Variants in ADK observed in about 807,000 individuals in gnomAD.
ADK encodes the protein N6,N6-dimethyladenosine kinase.
A neutral mutation model predicts 44.7 loss-of-function variants in ADK; 24 were observed. That is an observed-to-expected ratio of 0.54 (90% CI 0.39 to 0.76). The LOEUF (loss-of-function observed/expected upper bound fraction) is 0.76. Among genes scored for constraint, ADK ranks in the 30% least tolerant of loss-of-function variants. ADK has a pLI of 0.00. For missense variants in ADK, 321 were observed against 425.1 expected (o/e 0.76, Z 2.15); for synonymous variants, 128 against 142.6 (o/e 0.90, Z 0.73).
At chr10:74,646,033 A>G (rs967080489) in intron 9 of ADK, among the ~76,000 whole-genome samples, 4 of 152,220 alleles carry the variant, frequency 2.6e-5, no homozygotes, top group African/African-American at 7.2e-5. Flanking sequence ...AGCTTTCTTC[A>G]TCACTTAATT....
chr10:74,676,089 G>A (rs900738171), intron 10 of ADK, among the ~76,000 whole-genome samples: 4 of 150,636 alleles, frequency 2.7e-5, no homozygotes, highest in African/African-American at 7.3e-5. Context: ...TAAAAGCCAC[G>A]TATAGATTAG....
intron 4 of ADK, among the ~76,000 whole-genome samples, chr10:74,346,220 G>T (rs1841759003): frequency 6.6e-6 from 1 of 151,976 alleles, no homozygotes; most frequent in South Asian, 2.1e-4. Flanking sequence ...TGAATCCAAA[G>T]TTCATGTTTT....
At chr10:74,595,051 C>G (rs936203835) in intron 8 of ADK, among the ~76,000 whole-genome samples, 4 of 151,866 alleles carry the variant, frequency 2.6e-5, no homozygotes, top group Non-Finnish European at 5.9e-5. Context: ...GTGGCAGATG[C>G]CTATAATCCC....
intron 4 of ADK, among the ~76,000 whole-genome samples, chr10:74,375,256 A>G (rs1215879401): frequency 6.6e-6 from 1 of 152,184 alleles, no homozygotes; most frequent in Non-Finnish European, 1.5e-5. Flanking sequence ...ATGCATTACC[A>G]TCCCCATAAA....
In ADK at chr10:74,385,517, G is replaced by A. The variant is rs112448780; in HGVS notation, c.274-8624G>A. ...GGGAGAAGGAAAGAAGCCTACAAAA[G>A]AGATAGAGAAGACTTCTTTATCCAT... On this transcript the variant is annotated intron_variant, in intron 4 of 10. Coordinates refer to ENST00000539909, the MANE Select transcript of ADK (RefSeq NM_006721.4). Among the ~76,000 whole-genome samples, 794 of 152,292 alleles carry A rather than the reference G, an allele frequency of 5.2e-3. 12 individuals are homozygous for A. The highest frequency in any genetic ancestry group is 0.017 in the African/African-American group (720 of 41,566).
chr10:74,625,227 G>T (rs907285590), intron 9 of ADK, among the ~76,000 whole-genome samples: 2 of 152,116 alleles, frequency 1.3e-5, no homozygotes, highest in African/African-American at 4.8e-5. Flanking sequence ...GCTTTTCAAA[G>T]CAAGTGATGT....
intron 3 of ADK, among the ~76,000 whole-genome samples, chr10:74,305,685 C>A (rs1025117080): frequency 1.3e-5 from 2 of 152,096 alleles, no homozygotes; most frequent in Non-Finnish European, 2.9e-5. Context: ...TGTCATTAAT[C>A]AAATTTGGAA....
chr10:74,263,365 G>A (rs1205500775), intron 3 of ADK, among the ~76,000 whole-genome samples: 1 of 152,142 alleles, frequency 6.6e-6, no homozygotes, highest in Non-Finnish European at 1.5e-5. Context: ...GAGATGGAGA[G>A]AAATTAAAGA....
intron 1 of ADK, among the ~76,000 whole-genome samples, chr10:74,166,701 A>G (rs1202879244): frequency 1.9e-4 from 7 of 37,790 alleles, no homozygotes; most frequent in African/African-American, 4.8e-4. Flanking sequence ...AAAAAAAAAA[A>G]GAAAAAAAAA....
At chr10:74,331,184 T>C (rs1841205312) in intron 4 of ADK, among the ~76,000 whole-genome samples, 1 of 152,226 alleles carries the variant, frequency 6.6e-6, no homozygotes, top group African/African-American at 2.4e-5. Flanking sequence ...CTACTATGGC[T>C]GTGTTTTGCT....
chr10:74,192,541 T>C lies in ADK; in HGVS notation c.66-8223T>C, dbSNP rs915218016. 1.2e-3 allele frequency among the ~76,000 whole-genome samples: 177 copies of C among 150,696 alleles called. 1 individual carries two copies. The highest frequency in any genetic ancestry group is 3.4e-3 in the African/African-American group (140 of 40,846). The stretch of plus-strand genomic sequence containing the variant: ...GCACCTGGCCCATTTTTTTTTTTTT[T>C]CAAACAGATATGGTTTTGCTCTCTC... On this transcript the variant is annotated intron_variant, in intron 1 of 10. Coordinates refer to ENST00000539909, the MANE Select transcript of ADK (RefSeq NM_006721.4).
intron 1 of ADK, among the ~76,000 whole-genome samples, chr10:74,194,766 G>C (rs1176489379): frequency 1.3e-5 from 2 of 152,162 alleles, no homozygotes; most frequent in Non-Finnish European, 2.9e-5. Flanking sequence ...GATGGGGCTA[G>C]TTGACGTAGA....
At position 74,276,632 on chromosome 10, in the gene ADK, G is replaced by C. The variant is rs536497344; in HGVS notation, c.195-38035G>C. ...GGAGGATAGTGTATGTTCCTTTCTG[G>C]AGGCTCTAGGGGTGAATGTTTCCAA... On this transcript the variant is annotated intron_variant, in intron 3 of 10. Transcript: ENST00000539909. Among the ~76,000 whole-genome samples, 115 of 152,276 alleles carry C rather than the reference G, an allele frequency of 7.6e-4. 1 individual carries two copies. Among genetic ancestry groups the C allele is most frequent in the Non-Finnish European group, 1.4e-3 (92 of 68,010 alleles).
chr10:74,278,024 GCTTGACT>G, intron 3 of ADK, among the ~76,000 whole-genome samples: 1 of 151,808 alleles, frequency 6.6e-6, no homozygotes, highest in Non-Finnish European at 1.5e-5. Flanking sequence ...TTATTTATAT[GCTTGACT>G]GGTCAGTAAT....
At chr10:74,341,469 G>A (rs913326178) in intron 4 of ADK, among the ~76,000 whole-genome samples, 1 of 150,894 alleles carries the variant, frequency 6.6e-6, no homozygotes, top group African/African-American at 2.4e-5. Flanking sequence ...GGAGGTTGCA[G>A]TGAGCCGAGA....
intron 9 of ADK, among the ~76,000 whole-genome samples, chr10:74,624,275 G>A (rs1853104311): frequency 6.7e-6 from 1 of 148,790 alleles, no homozygotes. Flanking sequence ...CATTTCTAAG[G>A]TTCCACCCCA....
chr10:74,689,899 G>T (rs199904001), intron 10 of ADK, among the ~76,000 whole-genome samples: 5 of 152,078 alleles, frequency 3.3e-5, no homozygotes, highest in African/African-American at 1.2e-4. Flanking sequence ...AAACTTGAGC[G>T]TGCATCAGAA....
At chr10:74,601,290 A>G (rs1379672051) in intron 9 of ADK, among the ~76,000 whole-genome samples, 1 of 152,174 alleles carries the variant, frequency 6.6e-6, no homozygotes, top group African/African-American at 2.4e-5. Context: ...TTGAAAAAAG[A>G]TGTTATAGTG....
At chr10:74,539,966 A>G (rs576224518) in intron 7 of ADK, among the ~76,000 whole-genome samples, 63 of 152,292 alleles carry the variant, frequency 4.1e-4, no homozygotes, top group Admixed American at 2.0e-3. Context: ...TGCAAAGGCT[A>G]TTTAACTATA....
Sources: gnomAD v4.1 joint callset for allele counts (sites outside exome capture counted in the v4.1 genomes callset) on GRCh38, gnomAD v4.1.1 for gene constraint, MANE v1.5 for transcripts, NCBI Gene and HGNC (gene_info 2026-07-23, HGNC 2026-07-21) for gene names.